Variants in CCSER1 observed in about 807,000 individuals in gnomAD.
CCSER1 encodes coiled-coil serine rich protein 1.
Under a neutral mutation model 82.0 loss-of-function variants are expected in CCSER1, and 41 were observed. That is an observed-to-expected ratio of 0.50 (90% CI 0.39 to 0.65). CCSER1 has a LOEUF of 0.65. Ranked by LOEUF, CCSER1 falls within the 30% of genes least tolerant of loss-of-function variation. The pLI, the probability that CCSER1 is intolerant of heterozygous loss-of-function variation, is 0.00. For synonymous variants in CCSER1, 414 were observed against 383.9 expected, an observed-to-expected ratio of 1.08 and a Z score of -0.92; for missense variants, 1,119 against 1,064.2, an observed-to-expected ratio of 1.05 and a Z score of -0.72.
At chr4:91,039,810 T>C (rs1741804381) in intron 9 of CCSER1, among the ~76,000 whole-genome samples, 1 of 152,028 alleles carries the variant, frequency 6.6e-6, no homozygotes, top group Admixed American at 6.6e-5. Context: ...ACACGTAACA[T>C]ATTTGAGCAA....
intron 9 of CCSER1, among the ~76,000 whole-genome samples, chr4:91,066,350 G>A (rs1354509213): frequency 6.6e-6 from 1 of 152,142 alleles, no homozygotes; most frequent in Non-Finnish European, 1.5e-5. Context: ...CACAGTTAGC[G>A]ACAGAGGAGA....
intron 8 of CCSER1, among the ~76,000 whole-genome samples, chr4:90,873,520 TG>T (rs1338508265): frequency 1.3e-5 from 2 of 152,068 alleles, no homozygotes; most frequent in Non-Finnish European, 2.9e-5. Context: ...ATCTTTACAA[TG>T]GTATTGACCT....
intron 10 of CCSER1, among the ~76,000 whole-genome samples, chr4:91,107,463 G>A (rs1242815230): frequency 6.6e-6 from 1 of 152,116 alleles, no homozygotes; most frequent in African/African-American, 2.4e-5. Flanking sequence ...CACCATGTGA[G>A]TCAGGATGGT....
At chr4:90,930,530 T>A (rs1729609205) in intron 9 of CCSER1, among the ~76,000 whole-genome samples, 1 of 151,516 alleles carries the variant, frequency 6.6e-6, no homozygotes, top group Non-Finnish European at 1.5e-5. Context: ...GAGAATGGTG[T>A]AAAACCAGGG....
intron 10 of CCSER1, among the ~76,000 whole-genome samples, chr4:91,099,661 G>A (rs900292546): frequency 1.3e-5 from 2 of 152,106 alleles, no homozygotes; most frequent in Admixed American, 1.3e-4. Context: ...ACAACTCAAA[G>A]CAGGGGGTGG....
At chr4:90,168,509 G>C (rs537340764) in intron 1 of CCSER1, among the ~76,000 whole-genome samples, 1 of 152,146 alleles carries the variant, frequency 6.6e-6, no homozygotes, top group African/African-American at 2.4e-5. Context: ...TTTAGCTTTT[G>C]TTACCATTGC....
chr4:90,158,216 G>C (rs973261792), intron 1 of CCSER1, among the ~76,000 whole-genome samples: 1 of 152,180 alleles, frequency 6.6e-6, no homozygotes, highest in African/African-American at 2.4e-5. Context: ...AAATGCTGCT[G>C]TCTGATCGTT....
chr4:91,489,257 T>C (rs1229754947), intron 10 of CCSER1, among the ~76,000 whole-genome samples: 1 of 152,080 alleles, frequency 6.6e-6, no homozygotes, highest in Non-Finnish European at 1.5e-5. Flanking sequence ...AGGTCAGAAA[T>C]GTAGATGAGT....
At chr4:90,837,622 A>T (rs1001454755) in intron 8 of CCSER1, among the ~76,000 whole-genome samples, 1 of 152,138 alleles carries the variant, frequency 6.6e-6, no homozygotes, top group Non-Finnish European at 1.5e-5. Flanking sequence ...TACTATGTAA[A>T]ATAAGTATAA....
intron 8 of CCSER1, among the ~76,000 whole-genome samples, chr4:90,828,322 T>C (rs1487002461): frequency 1.5e-5 from 2 of 131,328 alleles, no homozygotes; most frequent in Non-Finnish European, 3.6e-5. Flanking sequence ...TTTTATAACA[T>C]GTGTGAATGC....
At chr4:90,234,873 G>T (rs796089842) in intron 1 of CCSER1, among the ~76,000 whole-genome samples, 9 of 152,172 alleles carry the variant, frequency 5.9e-5, no homozygotes, top group African/African-American at 2.2e-4. Context: ...GTTATGGCTG[G>T]CTGTAAGTTC....
intron 8 of CCSER1, among the ~76,000 whole-genome samples, chr4:90,882,404 C>T (rs898540782): frequency 1.3e-5 from 2 of 151,932 alleles, no homozygotes. Flanking sequence ...ACATAGAGAG[C>T]CAAGACACAC....
intron 9 of CCSER1, among the ~76,000 whole-genome samples, chr4:91,056,961 G>A (rs575919956): frequency 2.0e-5 from 3 of 152,126 alleles, no homozygotes; most frequent in Non-Finnish European, 4.4e-5. Flanking sequence ...GAAAAAATGG[G>A]CCAGCCCTTT....
At chr4:90,199,135 T>A (rs1051866697) in intron 1 of CCSER1, among the ~76,000 whole-genome samples, 1 of 152,208 alleles carries the variant, frequency 6.6e-6, no homozygotes, top group Non-Finnish European at 1.5e-5. Flanking sequence ...TCTTTAGGTT[T>A]GCAAATAGTG....
chr4:90,848,402 A>G (rs1162561401), intron 8 of CCSER1, among the ~76,000 whole-genome samples: 2 of 152,236 alleles, frequency 1.3e-5, no homozygotes, highest in Non-Finnish European at 2.9e-5. Context: ...AAAGATATAA[A>G]AGGGTAGTAT....
In CCSER1 at chr4:90,175,269, T is replaced by C. The variant is rs1324881294; in HGVS notation, c.-42+47438T>C. ...GGCTAGATGAAATTACTTCATAATG[T>C]ATTCAATTTTTATACAATTCTAGAA... On this transcript the variant is annotated intron_variant, in intron 1 of 10. Coordinates refer to ENST00000509176, the MANE Select transcript of CCSER1 (RefSeq NM_001145065.2). Among the ~76,000 whole-genome samples, 24 of 152,008 alleles carry C rather than the reference T, an allele frequency of 1.6e-4. 1 individual carries two copies.
At chr4:90,724,132 G>A in intron 7 of CCSER1, 141 bp downstream of exon 7, 3 of 505,888 alleles carry the variant, frequency 5.9e-6, no homozygotes, top group Admixed American at 3.3e-5. Flanking sequence ...TCGTTTTTTT[G>A]TGTGTTCCAT....
intron 10 of CCSER1, among the ~76,000 whole-genome samples, chr4:91,378,983 G>A (rs1393360535): frequency 1.3e-5 from 2 of 152,080 alleles, no homozygotes; most frequent in Admixed American, 6.6e-5. Flanking sequence ...TTTGTCAAAG[G>A]CCTTTTCTGC....
At chr4:90,290,836 A>G (rs1489742169) in intron 1 of CCSER1, among the ~76,000 whole-genome samples, 2 of 152,026 alleles carry the variant, frequency 1.3e-5, no homozygotes, top group African/African-American at 2.4e-5. Flanking sequence ...TAGAGCAGCA[A>G]TAGCATTCAG....
Sources: gnomAD v4.1 joint callset for allele counts (sites outside exome capture counted in the v4.1 genomes callset) on GRCh38, gnomAD v4.1.1 for gene constraint, MANE v1.5 for transcripts, NCBI Gene and HGNC (gene_info 2026-07-23, HGNC 2026-07-21) for gene names.